The following CTNNA2 variants were observed in gnomAD, a reference collection of about 807,000 sequenced individuals.
The protein encoded by CTNNA2 is catenin alpha-2.
In CTNNA2, 42 loss-of-function variants were observed where a neutral mutation model predicts 101.0. That is an observed-to-expected ratio of 0.42 (90% CI 0.32 to 0.54). The LOEUF (loss-of-function observed/expected upper bound fraction) is 0.54, where lower values mean the gene tolerates loss of function less well. CTNNA2 is among the 20% of genes least tolerant of loss of function. CTNNA2 has a pLI of 0.14. For missense variants in CTNNA2, 871 were observed against 1,223.1 expected (o/e 0.71, Z 4.29); for synonymous variants, 450 against 456.4 (o/e 0.99, Z 0.18).
intron 7 of CTNNA2, among the ~76,000 whole-genome samples, chr2:80,350,858 C>A (rs1673224028): frequency 6.6e-6 from 1 of 152,084 alleles, no homozygotes; most frequent in African/African-American, 2.4e-5. Flanking sequence ...CAGAAGTCTT[C>A]TAGATGTCTG....
intron 7 of CTNNA2, among the ~76,000 whole-genome samples, chr2:80,329,311 G>A (rs1671114870): frequency 6.6e-6 from 1 of 152,150 alleles, no homozygotes; most frequent in Non-Finnish European, 1.5e-5. Context: ...GAAACAAGAT[G>A]TCTGTTATAA....
At chr2:79,881,163 A>G (rs1170222707) in intron 6 of CTNNA2, among the ~76,000 whole-genome samples, 1 of 152,130 alleles carries the variant, frequency 6.6e-6, no homozygotes, top group East Asian at 1.9e-4. Context: ...ATTTGATTGC[A>G]CTGTGGTCTG....
chr2:79,696,985 A>G (rs1684691272), intron 2 of CTNNA2, among the ~76,000 whole-genome samples: 1 of 151,906 alleles, frequency 6.6e-6, no homozygotes, highest in African/African-American at 2.4e-5. Flanking sequence ...TAAAAATTAT[A>G]AAGTTGGAGG....
At chr2:79,760,305 GTGTGTGTA>G (rs1209554515) in intron 3 of CTNNA2, among the ~76,000 whole-genome samples, 10 of 151,102 alleles carry the variant, frequency 6.6e-5, no homozygotes, top group Middle Eastern at 3.4e-3. Context: ...GTGTGTGTGT[GTGTGTGTA>G]TATAATCTTT....
At chr2:79,578,276 A>C (rs542467575) in intron 1 of CTNNA2, among the ~76,000 whole-genome samples, 61 of 152,250 alleles carry the variant, frequency 4.0e-4, no homozygotes, top group Non-Finnish European at 4.7e-4. Context: ...TTATATTTTC[A>C]AGATAATATC....
intron 7 of CTNNA2, among the ~76,000 whole-genome samples, chr2:80,071,716 C>G (rs1348431736): frequency 6.6e-6 from 1 of 152,114 alleles, no homozygotes; most frequent in Non-Finnish European, 1.5e-5. Flanking sequence ...AGGACAGAGT[C>G]TTTTCTAAAA....
chr2:79,290,587 CAGA>C (rs767823832), intron 2 of CTNNA2, among the ~76,000 whole-genome samples: 25 of 152,226 alleles, frequency 1.6e-4, no homozygotes, highest in Admixed American at 1.1e-3. Flanking sequence ...AACACACCAG[CAGA>C]AGAACACACA....
At chr2:79,322,525 T>A (rs1231149129) in intron 3 of CTNNA2, among the ~76,000 whole-genome samples, 1 of 152,208 alleles carries the variant, frequency 6.6e-6, no homozygotes, top group Middle Eastern at 3.2e-3. Context: ...TAGAAAATAC[T>A]CTTAGCCCAG....
At chr2:80,540,422 C>A (rs914877206) in intron 9 of CTNNA2, among the ~76,000 whole-genome samples, 17 of 151,912 alleles carry the variant, frequency 1.1e-4, no homozygotes, top group Non-Finnish European at 2.5e-4. Flanking sequence ...CATGGTGAAA[C>A]CCCATCTCTA....
chr2:80,325,541 T>C (rs1181148472), intron 7 of CTNNA2, among the ~76,000 whole-genome samples: 2 of 152,200 alleles, frequency 1.3e-5, no homozygotes, highest in East Asian at 3.8e-4. Context: ...TCAGAGAACT[T>C]TGTTATGTCA....
chr2:79,206,841 T>C (rs746610148), intron 2 of CTNNA2, among the ~76,000 whole-genome samples: 10 of 152,148 alleles, frequency 6.6e-5, no homozygotes, highest in Non-Finnish European at 1.3e-4. Flanking sequence ...AATAAAATCA[T>C]AGAGGATAAA....
chr2:80,155,986 G>C lies in CTNNA2; in HGVS notation c.1057-237225G>C, dbSNP rs531848892. Among the ~76,000 whole-genome samples the C allele has an allele frequency of 1.1e-4, 16 of 152,304 alleles. No homozygotes were observed. In the South Asian group the frequency reaches 3.3e-3, roughly 32 times the overall value. ...ATTGCCCAGATATTAGCATGCATATGAATCACCTGGGGCTCTTGTAAATGC... is the reference window on the plus strand; with the variant it reads ...ATTGCCCAGATATTAGCATGCATATCAATCACCTGGGGCTCTTGTAAATGC... On this transcript the variant is annotated intron_variant, in intron 7 of 18. Transcript: ENST00000402739.
intron 7 of CTNNA2, among the ~76,000 whole-genome samples, chr2:80,389,803 T>C (rs548676811): frequency 1.3e-5 from 2 of 152,186 alleles, no homozygotes; most frequent in South Asian, 4.1e-4. Flanking sequence ...CCAGCCTTCA[T>C]GTACAGTCAC....
At chr2:79,743,790 T>A (rs909855889) in intron 2 of CTNNA2, among the ~76,000 whole-genome samples, 4 of 152,128 alleles carry the variant, frequency 2.6e-5, no homozygotes, top group Non-Finnish European at 5.9e-5. Context: ...TGCCTCAGCC[T>A]CCCAAAGTGT....
chr2:80,373,054 A>G (rs1048197127), intron 7 of CTNNA2, among the ~76,000 whole-genome samples: 1 of 152,208 alleles, frequency 6.6e-6, no homozygotes, highest in African/African-American at 2.4e-5. Flanking sequence ...GATTGTGACC[A>G]TGATTGTGTT....
chr2:80,612,031 C>T (rs1480798591), intron 17 of CTNNA2, among the ~76,000 whole-genome samples: 1 of 151,506 alleles, frequency 6.6e-6, no homozygotes, highest in African/African-American at 2.4e-5. Context: ...TGCTTAAGTC[C>T]TTGGGCTGAA....
chr2:79,824,878 G>T (rs1250855291), intron 3 of CTNNA2, among the ~76,000 whole-genome samples: 1 of 151,916 alleles, frequency 6.6e-6, no homozygotes, highest in Non-Finnish European at 1.5e-5. Flanking sequence ...CTTGTGTTTT[G>T]TTTTTATACT....
rs1165687388 is a variant in CTNNA2, at chr2:80,173,989, A to G, written c.1057-219222A>G. On this transcript the variant is annotated intron_variant, in intron 7 of 18. Transcript: ENST00000402739. ...ATGTCATGCCTGTTGCAACAAAGAA[A>G]TGCTAAAGGATCCATTCCACTATTG... 3.3e-5 allele frequency among the ~76,000 whole-genome samples: 5 copies of G among 152,198 alleles called. No homozygotes were observed. In the East Asian group the frequency reaches 9.6e-4, roughly 29 times the overall value.
intron 9 of CTNNA2, among the ~76,000 whole-genome samples, chr2:80,486,463 A>T (rs922160379): frequency 6.6e-6 from 1 of 152,222 alleles, no homozygotes; most frequent in East Asian, 1.9e-4. Context: ...TTCTGATTAT[A>T]TAAGTAGTAC....
Sources: allele counts gnomAD v4.1 joint callset (sites outside exome capture counted in the v4.1 genomes callset), GRCh38; gene constraint gnomAD v4.1.1; transcripts MANE v1.5; gene names NCBI Gene and HGNC (gene_info 2026-07-23, HGNC 2026-07-21).